The following SEMA6D variants were observed in gnomAD, a reference collection of about 807,000 sequenced individuals.
SEMA6D encodes semaphorin 6D.
In SEMA6D, 35 loss-of-function variants were observed where a neutral mutation model predicts 106.6. The ratio of observed to expected loss-of-function variants is 0.33; its 90% CI spans 0.25 to 0.44. The LOEUF is 0.44. Among genes scored for constraint, SEMA6D ranks in the 20% least tolerant of loss-of-function variants. SEMA6D has a pLI of 1.00. For missense variants in SEMA6D, 1,185 were observed against 1,345.9 expected, an observed-to-expected ratio of 0.88 and a Z score of 1.87; for synonymous variants, 499 against 487.7, an observed-to-expected ratio of 1.02 and a Z score of -0.31.
At chr15:47,266,803 G>A (rs931868028) in intron 1 of SEMA6D, among the ~76,000 whole-genome samples, 2 of 152,094 alleles carry the variant, frequency 1.3e-5, no homozygotes, top group Non-Finnish European at 2.9e-5. Context: ...TTTCTACCAT[G>A]CTGAGCTGGA....
intron 1 of SEMA6D, among the ~76,000 whole-genome samples, chr15:47,407,729 C>T (rs1181001708): frequency 6.6e-6 from 1 of 152,114 alleles, no homozygotes; most frequent in East Asian, 1.9e-4. Context: ...AAGTGCAGAC[C>T]TGCAGTTTTT....
At chr15:47,727,833 C>A (rs1424022747) in intron 1 of SEMA6D, among the ~76,000 whole-genome samples, 1 of 152,200 alleles carries the variant, frequency 6.6e-6, no homozygotes, top group African/African-American at 2.4e-5. Flanking sequence ...GGTAATCAAA[C>A]TTCATGCTTC....
intron 4 of SEMA6D, among the ~76,000 whole-genome samples, chr15:47,607,952 A>G (rs868337780): frequency 5.9e-5 from 9 of 152,166 alleles, no homozygotes; most frequent in Admixed American, 6.5e-5. Context: ...TCTTTGTCTT[A>G]TCTTATCCCT....
intron 1 of SEMA6D, chr15:47,730,835 T>C: frequency 6.8e-7 from 1 of 1,476,870 alleles, no homozygotes; most frequent in Non-Finnish European, 9.3e-7. Context: ...TTCTTAGGCC[T>C]TTGCTCAAAC....
intron 1 of SEMA6D, among the ~76,000 whole-genome samples, chr15:47,305,722 T>C (rs1227111804): frequency 6.6e-6 from 1 of 152,232 alleles, no homozygotes; most frequent in Non-Finnish European, 1.5e-5. Context: ...AATCATTGCA[T>C]GTTCTGACCT....
At chr15:47,756,534 T>A (rs1469642029) in intron 1 of SEMA6D, among the ~76,000 whole-genome samples, 1 of 152,172 alleles carries the variant, frequency 6.6e-6, no homozygotes, top group Non-Finnish European at 1.5e-5. Flanking sequence ...AAACTGAGGC[T>A]TAAAGAGATA....
chr15:47,529,023 GGGT>G (rs2044856986), intron 3 of SEMA6D, among the ~76,000 whole-genome samples: 2 of 152,052 alleles, frequency 1.3e-5, no homozygotes, highest in African/African-American at 4.8e-5. Flanking sequence ...AAAATAATAA[GGGT>G]GAGAAAATAT....
chr15:47,617,921 A>G (rs933214507), intron 4 of SEMA6D, among the ~76,000 whole-genome samples: 2 of 152,198 alleles, frequency 1.3e-5, no homozygotes, highest in Non-Finnish European at 2.9e-5. Context: ...TTCACTGGGC[A>G]TCCATTTGGT....
chr15:47,452,035 G>T (rs1322080314), intron 2 of SEMA6D, among the ~76,000 whole-genome samples: 1 of 151,944 alleles, frequency 6.6e-6, no homozygotes, highest in Non-Finnish European at 1.5e-5. Context: ...TTGGTATCTT[G>T]TGTTGTTCAT....
intron 4 of SEMA6D, among the ~76,000 whole-genome samples, chr15:47,633,502 G>A (rs1266761111): frequency 6.6e-6 from 1 of 152,118 alleles, no homozygotes; most frequent in Non-Finnish European, 1.5e-5. Flanking sequence ...ATACAAATTA[G>A]TATTCCCCAT....
intron 3 of SEMA6D, among the ~76,000 whole-genome samples, chr15:47,570,825 C>A (rs1160757320): frequency 6.6e-6 from 1 of 152,168 alleles, no homozygotes; most frequent in Non-Finnish European, 1.5e-5. Flanking sequence ...ACAGCAAGGT[C>A]CAACCTAATG....
At chr15:47,209,384 A>C (rs1895332056) in intron 1 of SEMA6D, among the ~76,000 whole-genome samples, 1 of 152,156 alleles carries the variant, frequency 6.6e-6, no homozygotes, top group African/African-American at 2.4e-5. Context: ...TGGGATCAAC[A>C]TTTCAAAGAG....
Position 47,554,025 on chromosome 15 carries a change from T to C in SEMA6D, c.-86-46840T>C, listed in dbSNP as rs561938556. Among the ~76,000 whole-genome samples the C allele has an allele frequency of 2.7e-4, 41 of 152,286 alleles. No individual in the cohort carries two copies. The South Asian group carries it at 7.9e-3, about 29-fold the overall frequency. ...GGCATGGGAAAGGAAACCAACTTTG[T>C]TGAAGCACATACTTTGCACCAGGGG... is the stretch of plus-strand genomic sequence containing the variant. On this transcript the variant is annotated intron_variant, in intron 3 of 19. Coordinates refer to the SEMA6D transcript ENST00000558014.
At chr15:47,673,910 G>A (rs1596594258) in intron 4 of SEMA6D, among the ~76,000 whole-genome samples, 1 of 152,168 alleles carries the variant, frequency 6.6e-6, no homozygotes, top group African/African-American at 2.4e-5. Context: ...TGCCCTCTGT[G>A]CAGTGCTTTC....
chr15:47,305,253 T>C (rs547189584), intron 1 of SEMA6D, among the ~76,000 whole-genome samples: 1 of 152,324 alleles, frequency 6.6e-6, no homozygotes, highest in East Asian at 1.9e-4. Context: ...ATTACTCTCC[T>C]TGGGTTGGTG....
intron 4 of SEMA6D, among the ~76,000 whole-genome samples, chr15:47,660,813 G>A (rs954736578): frequency 2.0e-5 from 3 of 152,120 alleles, no homozygotes; most frequent in African/African-American, 4.8e-5. Flanking sequence ...CACTTGTTTG[G>A]ACAGCATAAG....
intron 3 of SEMA6D, among the ~76,000 whole-genome samples, chr15:47,518,966 T>C (rs2044480289): frequency 6.6e-6 from 1 of 152,158 alleles, no homozygotes; most frequent in Admixed American, 6.5e-5. Flanking sequence ...GGCTCATGGC[T>C]GTAATCCTAG....
At chr15:47,264,342 T>C (rs1485941971) in intron 1 of SEMA6D, among the ~76,000 whole-genome samples, 1 of 13,948 alleles carries the variant, frequency 7.2e-5, no homozygotes. Flanking sequence ...ATTTAAAAGG[T>C]TTTTTTTTTT....
intron 1 of SEMA6D, among the ~76,000 whole-genome samples, chr15:47,208,509 G>T (rs577721138): frequency 9.2e-5 from 14 of 152,246 alleles, no homozygotes; most frequent in Non-Finnish European, 1.9e-4. Context: ...TCAGCAGATG[G>T]TAGTAACTAG....
Sources: gnomAD v4.1 joint callset for allele counts (sites outside exome capture counted in the v4.1 genomes callset) on GRCh38, gnomAD v4.1.1 for gene constraint, MANE v1.5 for transcripts, NCBI Gene and HGNC (gene_info 2026-07-23, HGNC 2026-07-21) for gene names.